Variants in PCDH15 observed in about 807,000 individuals in gnomAD.
PCDH15 encodes protocadherin-15.
A neutral mutation model predicts 178.5 loss-of-function variants in PCDH15; 129 were observed. The ratio of observed to expected loss-of-function variants is 0.72; its 90% CI spans 0.63 to 0.84. The LOEUF is 0.84. Among genes scored for constraint, PCDH15 ranks in the 40% least tolerant of loss-of-function variants. The pLI is 0.00. For synonymous variants in PCDH15, 800 were observed against 732.0 expected (o/e 1.09, Z -1.50); for missense variants, 2,230 against 2,099.9 (o/e 1.06, Z -1.21).
chr10:53,972,849 T>C (rs2089851909), intron 21 of PCDH15, among the ~76,000 whole-genome samples: 1 of 152,144 alleles, frequency 6.6e-6, no homozygotes, highest in Admixed American at 6.5e-5. Flanking sequence ...GGTGGGACAG[T>C]AAACTAGTTC....
chr10:54,377,356 G>C (rs1344486008), intron 4 of PCDH15, among the ~76,000 whole-genome samples: 1 of 152,088 alleles, frequency 6.6e-6, no homozygotes, highest in Admixed American at 6.6e-5. Flanking sequence ...CTCACTATTT[G>C]TCTAGCAGTA....
chr10:54,666,577 T>C (rs1320757415), intron 1 of PCDH15, among the ~76,000 whole-genome samples: 1 of 152,020 alleles, frequency 6.6e-6, no homozygotes, highest in Non-Finnish European at 1.5e-5. Context: ...CTTCAAATCT[T>C]TTTTTATTTG....
At chr10:54,662,561 C>T (rs1242718034) in intron 2 of PCDH15, among the ~76,000 whole-genome samples, 1 of 151,846 alleles carries the variant, frequency 6.6e-6, no homozygotes, top group Non-Finnish European at 1.5e-5. Context: ...ATATTAGAGG[C>T]AATGCAAATA....
intron 31 of PCDH15, among the ~76,000 whole-genome samples, 173 bp downstream of exon 31, chr10:53,828,392 A>C (rs2076829606): frequency 1.3e-5 from 2 of 152,130 alleles, no homozygotes; most frequent in African/African-American, 4.8e-5. Context: ...AGTTACGTCC[A>C]ATTGTCTAAA....
intron 2 of PCDH15, among the ~76,000 whole-genome samples, chr10:55,147,210 T>C (rs1286071449): frequency 6.6e-6 from 1 of 151,534 alleles, no homozygotes; most frequent in Non-Finnish European, 1.5e-5. Context: ...TGGTCAATTG[T>C]ACTTTCTGGA....
At chr10:55,481,681 C>A (rs1038696229) in intron 2 of PCDH15, among the ~76,000 whole-genome samples, 7 of 151,360 alleles carry the variant, frequency 4.6e-5, no homozygotes, top group African/African-American at 1.5e-4. Context: ...TAATATGATT[C>A]TTTTGTGGTC....
chr10:54,115,738 C>G (rs10740574), intron 15 of PCDH15, among the ~76,000 whole-genome samples: 34,724 of 152,064 alleles, frequency 0.23, 5,332 homozygotes, highest in East Asian at 0.86. Flanking sequence ...GGAGTTGATA[C>G]CCCAAACACT....
intron 26 of PCDH15, among the ~76,000 whole-genome samples, chr10:53,887,722 T>C (rs1307007873): frequency 6.6e-6 from 1 of 152,094 alleles, no homozygotes; most frequent in Non-Finnish European, 1.5e-5. Context: ...ACCCCGTCTC[T>C]ACTAAAAATA....
intron 19 of PCDH15, among the ~76,000 whole-genome samples, chr10:54,022,509 A>T (rs1311900840): frequency 1.3e-5 from 2 of 152,120 alleles, no homozygotes; most frequent in African/African-American, 4.8e-5. Context: ...CACAAAGATA[A>T]ATGTGAAATA....
rs142263986 is a variant in PCDH15, at chr10:54,933,766, T to C, written c.-79-36266A>G. On this transcript the variant is annotated intron_variant, in intron 2 of 5. Coordinates refer to the PCDH15 transcript ENST00000458638. ...AATTATGGATTCCATGTGCAAACTT[T>C]ATCAGTGAAAAACTGCTATTATACT... Among the ~76,000 whole-genome samples, 11 of 152,278 alleles carry C rather than the reference T, an allele frequency of 7.2e-5. No individual in the cohort carries two copies. The East Asian group carries it at 2.1e-3, about 29-fold the overall frequency.
At chr10:54,864,995 C>A (rs946458038) in intron 3 of PCDH15, among the ~76,000 whole-genome samples, 2 of 152,108 alleles carry the variant, frequency 1.3e-5, no homozygotes, top group Admixed American at 1.3e-4. Context: ...ATCATAGAGG[C>A]TGTGTTTCAT....
chr10:53,879,005 A>C (rs1487258069), intron 26 of PCDH15, among the ~76,000 whole-genome samples: 1 of 152,176 alleles, frequency 6.6e-6, no homozygotes, highest in Non-Finnish European at 1.5e-5. Context: ...GTACAAAGTA[A>C]ACCTAAATCA....
At chr10:54,109,062 T>C (rs773765130) in intron 15 of PCDH15, among the ~76,000 whole-genome samples, 4 of 152,166 alleles carry the variant, frequency 2.6e-5, no homozygotes, top group Non-Finnish European at 5.9e-5. Context: ...TGGCTTCAGA[T>C]GAGACTCAGT....
intron 2 of PCDH15, among the ~76,000 whole-genome samples, chr10:55,429,177 T>C (rs1327468484): frequency 6.7e-6 from 1 of 150,248 alleles, no homozygotes; most frequent in African/African-American, 2.5e-5. Flanking sequence ...TCTAGTGGTA[T>C]TTTTTTTCCT....
intron 2 of PCDH15, among the ~76,000 whole-genome samples, chr10:55,158,692 G>GT (rs1829418595): frequency 4.0e-5 from 3 of 75,830 alleles, no homozygotes; most frequent in South Asian, 5.0e-4. Context: ...TTTGTTCTAA[G>GT]TAAAAAAAAA....
At chr10:55,437,601 A>G (rs1190379879) in intron 2 of PCDH15, among the ~76,000 whole-genome samples, 2 of 152,114 alleles carry the variant, frequency 1.3e-5, no homozygotes, top group Non-Finnish European at 1.5e-5. Flanking sequence ...TTCATTGAAG[A>G]TATGACTCTT....
intron 8 of PCDH15, among the ~76,000 whole-genome samples, chr10:54,261,462 C>T (rs981298417): frequency 6.6e-6 from 1 of 151,618 alleles, no homozygotes; most frequent in South Asian, 2.1e-4. Context: ...AGGCAAATTA[C>T]AGATGAGAAA....
At chr10:53,896,493 C>G (rs576697114) in intron 26 of PCDH15, among the ~76,000 whole-genome samples, 39 of 152,290 alleles carry the variant, frequency 2.6e-4, no homozygotes, top group Middle Eastern at 3.4e-3. Flanking sequence ...TCATTTATAG[C>G]ACCCTTGTTG....
chr10:55,446,251 GA>G (rs893870838), intron 2 of PCDH15, among the ~76,000 whole-genome samples: 3 of 149,476 alleles, frequency 2.0e-5, no homozygotes, highest in Non-Finnish European at 3.0e-5. Context: ...AAGAAACCTA[GA>G]AAAAAAATCA....
Sources: gnomAD v4.1 joint callset for allele counts (sites outside exome capture counted in the v4.1 genomes callset) on GRCh38, gnomAD v4.1.1 for gene constraint, MANE v1.5 for transcripts, NCBI Gene and HGNC (gene_info 2026-07-23, HGNC 2026-07-21) for gene names.